ATP11A: variants seen among roughly 807,000 people sequenced by gnomAD.
The protein encoded by ATP11A is ATPase phospholipid transporting 11A, also known as phospholipid-transporting ATPase IH.
ATP11A carries 81 observed loss-of-function variants against 154.4 expected under a neutral mutation model. The ratio of observed to expected loss-of-function variants is 0.52; its 90% CI spans 0.44 to 0.63. The LOEUF (loss-of-function observed/expected upper bound fraction) is 0.63, where lower values mean the gene tolerates loss of function less well. Among genes scored for constraint, ATP11A ranks in the 30% least tolerant of loss-of-function variants. The probability of loss-of-function intolerance (pLI) is 0.00; values close to 1 mark genes in which losing one functional copy is unlikely to be tolerated. For synonymous variants in ATP11A, 623 were observed against 585.9 expected, an observed-to-expected ratio of 1.06 and a Z score of -0.91; for missense variants, 1,316 against 1,474.3, an observed-to-expected ratio of 0.89 and a Z score of 1.76.
chr13:112,866,038 G>T (rs1411232985), intron 25 of ATP11A, among the ~76,000 whole-genome samples: 1 of 152,236 alleles, frequency 6.6e-6, no homozygotes, highest in African/African-American at 2.4e-5. Flanking sequence ...TAGATTTGTA[G>T]TTTTCTAGCA....
intron 2 of ATP11A, among the ~76,000 whole-genome samples, chr13:112,789,328 C>G (rs1336625437): frequency 4.0e-5 from 6 of 150,514 alleles, no homozygotes; most frequent in Non-Finnish European, 7.4e-5. Flanking sequence ...CTGTGGAGAC[C>G]TACTTAATTC....
chr13:112,882,226 C>T lies in ATP11A; in HGVS notation c.*360C>T, dbSNP rs1051576293. On this transcript the variant is annotated 3_prime_UTR_variant, in exon 30 of 30. Coordinates refer to ENST00000375645, the MANE Select transcript of ATP11A (RefSeq NM_015205.3). The surrounding 1 kb of genome is among the most constrained non-coding windows in gnomAD (Gnocchi z 5.1). Reference sequence around the variant, plus strand: ...ACCAGTGGCCTCTGGGCATTCGGCTCAACGCAGGAGGGACATTCTGCTGGC... The same window carrying T: ...ACCAGTGGCCTCTGGGCATTCGGCTTAACGCAGGAGGGACATTCTGCTGGC... 4 of 915,026 alleles carry T rather than the reference C, an allele frequency of 4.4e-6. No homozygotes were observed. In the African/African-American group the frequency reaches 5.2e-5, roughly 12 times the overall value. The allele number at this position is 915,026 out of a possible 1,614,324, so 56.7% of individuals were successfully genotyped here.
chr13:112,828,190 A>C (rs34269036), intron 12 of ATP11A, among the ~76,000 whole-genome samples: 1 of 36,934 alleles, frequency 2.7e-5, no homozygotes. Context: ...GCCCAGCAGC[A>C]TTGAGTGCGG....
intron 3 of ATP11A, among the ~76,000 whole-genome samples, chr13:112,805,528 T>A (rs1428470412): frequency 1.3e-5 from 2 of 152,026 alleles, no homozygotes; most frequent in Admixed American, 6.6e-5. Context: ...ATACAAAAAT[T>A]AGCTGGGTGT....
intron 1 of ATP11A, among the ~76,000 whole-genome samples, chr13:112,719,875 C>G (rs540567006): frequency 6.6e-6 from 1 of 152,088 alleles, no homozygotes; most frequent in Non-Finnish European, 1.5e-5. Context: ...GAGCTCAGTC[C>G]AAAACAACAG....
rs138384776 is a variant in ATP11A at position 112,817,211 on chromosome 13, G to C, written c.570+1000G>C. Among the ~76,000 whole-genome samples, 30 of 152,310 alleles carry C rather than the reference G, an allele frequency of 2.0e-4. No individual in the cohort carries two copies. In the East Asian group the frequency reaches 3.9e-3, roughly 20 times the overall value. ...CTCAGTGGATTCAACTAAGTCATCA[G>C]CTCACAAAATTGCAACTCTAAAATG... On this transcript the variant is annotated intron_variant, in intron 6 of 29. Transcript: ENST00000375645.
Position 112,690,465 on chromosome 13 carries a change from C to G in ATP11A, c.39+10C>G, listed in dbSNP as rs773708272. The G allele has an allele frequency of 7.4e-6, 10 of 1,345,476 alleles. No homozygotes were observed. The East Asian group carries it at 1.7e-4, about 23-fold the overall frequency. 83.3% of individuals were successfully genotyped at this position (1,345,476 alleles called of 1,614,324 possible). A position where few individuals can be genotyped will look rare whatever the true frequency, so the allele number is the denominator to read the frequency against. On this transcript the variant is annotated intron_variant, in intron 1 of 29. Transcript: ENST00000375645. The surrounding 1 kb of genome is among the most constrained non-coding windows in gnomAD (Gnocchi z 5.6). The stretch of plus-strand genomic sequence containing the variant: ...GCTCGTGCACAGATACGTGAGTGCT[C>G]CCGGCGCGGGCTGGGGGACCCGGGG...
In ATP11A at chr13:112,789,153, A is replaced by G. The variant is rs381323; in HGVS notation, c.162+3896A>G. 4.3e-3 allele frequency among the ~76,000 whole-genome samples: 617 copies of G among 143,036 alleles called. 3 individuals carry two copies. Among genetic ancestry groups the G allele is most frequent in the African/African-American group, 0.016 (583 of 37,560 alleles). 93.8% of individuals were successfully genotyped at this position (143,036 alleles called of 152,430 possible). A position where few individuals can be genotyped will look rare whatever the true frequency, so the allele number is the denominator to read the frequency against. ...TGGTAGACCTACTTAATTCACACCG[A>G]GTGTCCTGATGTGTAGACTCCTGTG... On this transcript the variant is annotated intron_variant, in intron 2 of 29. Transcript: ENST00000375645.
At chr13:112,879,696 A>G (rs2080827959) in intron 29 of ATP11A, among the ~76,000 whole-genome samples, 1 of 152,328 alleles carries the variant, frequency 6.6e-6, no homozygotes, top group East Asian at 1.9e-4. Flanking sequence ...CAGCCAGCAC[A>G]TGCCCGGCGC....
At chr13:112,824,757 T>C (rs1290861174) in intron 10 of ATP11A, among the ~76,000 whole-genome samples, 1 of 152,234 alleles carries the variant, frequency 6.6e-6, no homozygotes, top group Non-Finnish European at 1.5e-5. Flanking sequence ...CTTTTAACTC[T>C]GGGATTTGGT....
chr13:112,726,104 A>G (rs894482691), intron 1 of ATP11A, among the ~76,000 whole-genome samples: 2 of 152,262 alleles, frequency 1.3e-5, no homozygotes, highest in Non-Finnish European at 2.9e-5. Flanking sequence ...TCTGAAGGGA[A>G]TAGTGTGTGT....
Position 112,884,703 on chromosome 13 carries a change from G to A in ATP11A, c.*2837G>A, listed in dbSNP as rs1487084099. Reference sequence around the variant, plus strand: ...GCACAGGTTAATAAATTATCAATTTGTAATTCAGCATGTTGGTCAGAGACA... The same window carrying A: ...GCACAGGTTAATAAATTATCAATTTATAATTCAGCATGTTGGTCAGAGACA... On this transcript the variant is annotated 3_prime_UTR_variant, in exon 30 of 30. Transcript: ENST00000375645. 1 of 152,286 alleles carries A rather than the reference G, an allele frequency of 6.6e-6. No individual in the cohort carries two copies. Among genetic ancestry groups the A allele is most frequent in the Non-Finnish European group, 1.5e-5 (1 of 68,088 alleles). 9.4% of individuals were successfully genotyped at this position (152,286 alleles called of 1,614,324 possible).
At chr13:112,764,892 C>A (rs1442756041) in intron 1 of ATP11A, among the ~76,000 whole-genome samples, 1 of 152,200 alleles carries the variant, frequency 6.6e-6, no homozygotes. Flanking sequence ...CAACCTCTTT[C>A]CTTAGCTCAG....
At chr13:112,861,374 C>T (rs2080098713) in intron 24 of ATP11A, among the ~76,000 whole-genome samples, 2 of 152,230 alleles carry the variant, frequency 1.3e-5, no homozygotes, top group African/African-American at 4.8e-5. Context: ...GGGCCCTGAT[C>T]CCATGTCCCT....
At chr13:112,842,417 C>T (rs2079449149) in intron 17 of ATP11A, 38 bp downstream of exon 17, 4 of 1,425,060 alleles carry the variant, frequency 2.8e-6, no homozygotes, top group Non-Finnish European at 3.9e-6. Context: ...TGGCGGTCAG[C>T]TCCCCTGCTG....
At chr13:112,799,924 C>T (rs948009717) in intron 2 of ATP11A, among the ~76,000 whole-genome samples, 3 of 151,964 alleles carry the variant, frequency 2.0e-5, no homozygotes, top group Non-Finnish European at 4.4e-5. Context: ...GGAGATTAAA[C>T]AAAACACTAC....
intron 1 of ATP11A, among the ~76,000 whole-genome samples, chr13:112,705,309 G>A (rs960203754): frequency 2.2e-5 from 3 of 136,388 alleles, no homozygotes; most frequent in Non-Finnish European, 1.5e-5. Flanking sequence ...CCTCGGCAGC[G>A]AATGACACGT....
chr13:112,805,052 G>A lies in ATP11A; in HGVS notation c.252+6G>A. On this transcript the variant is annotated splice_donor_region_variant and intron_variant, in intron 3 of 29. Coordinates refer to ENST00000375645, the MANE Select transcript of ATP11A (RefSeq NM_015205.3). ...TTATCATATTTCTGGTGCAGGTAAG[G>A]CCGGTCATTGTTTTCCATCTCATCA... 2 of 1,592,684 alleles carry A rather than the reference G, an allele frequency of 1.3e-6. No individual in the cohort carries two copies. The highest frequency in any genetic ancestry group is 1.7e-6 in the Non-Finnish European group (2 of 1,167,732).
intron 1 of ATP11A, among the ~76,000 whole-genome samples, chr13:112,692,124 G>A (rs1885268883): frequency 6.6e-6 from 1 of 152,218 alleles, no homozygotes; most frequent in African/African-American, 2.4e-5. Context: ...GCTTTATTGG[G>A]CGGAAGCTTC....
Sources: gnomAD v4.1 joint callset for allele counts (sites outside exome capture counted in the v4.1 genomes callset) on GRCh38, gnomAD v4.1.1 for gene constraint, Gnocchi (gnomAD v3.1) non-coding constraint, MANE v1.5 for transcripts, NCBI Gene and HGNC (gene_info 2026-07-23, HGNC 2026-07-21) for gene names.